Variants in ISM1 observed in about 807,000 individuals in gnomAD.
ISM1 encodes the protein isthmin 1, also known as isthmin-1.
ISM1 carries 25 observed loss-of-function variants against 46.3 expected under a neutral mutation model. The observed-to-expected ratio is 0.54, with a 90% CI of 0.39 to 0.75. The LOEUF (loss-of-function observed/expected upper bound fraction) is 0.75. Ranked by LOEUF, ISM1 falls within the 30% of genes least tolerant of loss-of-function variation. ISM1 has a pLI of 0.00. For missense variants in ISM1, 536 were observed against 625.4 expected (o/e 0.86, Z 1.52); for synonymous variants, 255 against 256.7 (o/e 0.99, Z 0.06).
chr20:13,231,040 G>C (rs77320868), intron 1 of ISM1, among the ~76,000 whole-genome samples: 5,375 of 151,992 alleles, frequency 0.035, 265 homozygotes, highest in African/African-American at 0.11. Flanking sequence ...CTCCCTCTTC[G>C]CCTACCAGAG....
intron 2 of ISM1, among the ~76,000 whole-genome samples, chr20:13,273,515 C>T (rs911764737): frequency 6.6e-6 from 1 of 152,114 alleles, no homozygotes; most frequent in East Asian, 1.9e-4. Flanking sequence ...GGATTATAGA[C>T]ATGAGTCACT....
At chr20:13,315,779 A>T in the ISM1 span, among the ~76,000 whole-genome samples, 1 of 152,006 alleles carries the variant, frequency 6.6e-6, no homozygotes, top group African/African-American at 2.4e-5. Context: ...AATATAAAAG[A>T]ATAGAAATCA....
At chr20:13,297,689 G>C (rs2040420256) in intron 5 of ISM1, among the ~76,000 whole-genome samples, 1 of 152,238 alleles carries the variant, frequency 6.6e-6, no homozygotes, top group South Asian at 2.1e-4. Flanking sequence ...TCCCATGGGA[G>C]AATGCAGGAT....
intron 4 of ISM1, among the ~76,000 whole-genome samples, chr20:13,292,115 G>A (rs1258858700): frequency 6.6e-6 from 1 of 152,072 alleles, no homozygotes; most frequent in Non-Finnish European, 1.5e-5. Flanking sequence ...CCCATCCCTG[G>A]GCTCAGTGAG....
At chr20:13,261,127 A>G (rs1315170482) in intron 1 of ISM1, among the ~76,000 whole-genome samples, 2 of 152,212 alleles carry the variant, frequency 1.3e-5, no homozygotes, top group African/African-American at 4.8e-5. Context: ...AAGAAGCTCA[A>G]AGAAGGCCAG....
chr20:13,234,823 T>G (rs2039629796), intron 1 of ISM1, among the ~76,000 whole-genome samples: 1 of 152,210 alleles, frequency 6.6e-6, no homozygotes, highest in Non-Finnish European at 1.5e-5. Context: ...TCTTGCTGAG[T>G]TGTTTGAGTT....
intron 2 of ISM1, among the ~76,000 whole-genome samples, chr20:13,271,338 T>G (rs1407195522): frequency 6.6e-6 from 1 of 152,180 alleles, no homozygotes; most frequent in Non-Finnish European, 1.5e-5. Flanking sequence ...GATGACTATC[T>G]TCCACTAAGT....
chr20:13,238,492 A>G (rs770149350), intron 1 of ISM1, among the ~76,000 whole-genome samples: 7 of 152,180 alleles, frequency 4.6e-5, no homozygotes, highest in Non-Finnish European at 1.0e-4. Flanking sequence ...TCGATTATAC[A>G]TAGTTCCCCA....
chr20:13,303,884 T>C (rs1239930140), downstream of ISM1, among the ~76,000 whole-genome samples: 1 of 152,212 alleles, frequency 6.6e-6, no homozygotes, highest in Non-Finnish European at 1.5e-5. Flanking sequence ...TGTTACATTA[T>C]TTAAGGTGAT....
chr20:13,249,865 G>C (rs1264277827), intron 1 of ISM1, among the ~76,000 whole-genome samples: 1 of 151,914 alleles, frequency 6.6e-6, no homozygotes, highest in Non-Finnish European at 1.5e-5. Flanking sequence ...CAACTTTAAA[G>C]CAGACTCCTT....
chr20:13,322,709 A>C, the ISM1 span, among the ~76,000 whole-genome samples: 2 of 152,200 alleles, frequency 1.3e-5, no homozygotes, highest in Non-Finnish European at 2.9e-5. Flanking sequence ...CAAAGCTTAG[A>C]TTACTTCCTA....
intron 1 of ISM1, among the ~76,000 whole-genome samples, chr20:13,267,629 A>G (rs911579064): frequency 6.6e-6 from 1 of 152,152 alleles, no homozygotes; most frequent in Non-Finnish European, 1.5e-5. Flanking sequence ...GTGGTGGTGA[A>G]TTTCCTACCA....
rs368674472 is a variant in ISM1 at position 13,224,421 on chromosome 20, A to G, written c.138+2507A>G. Among the ~76,000 whole-genome samples the G allele has an allele frequency of 3.3e-5, 5 of 152,346 alleles. 1 individual carries two copies. The highest frequency in any genetic ancestry group is 1.5e-5 in the Non-Finnish European group (1 of 68,032). On this transcript the variant is annotated intron_variant, in intron 1 of 5. Transcript: ENST00000262487. Reference sequence around the variant, plus strand: ...CCCAGAAAGTGAATTTGCTAGTAGCAGGTGTATTTGAAGACAAAACTGTGG... The same window carrying G: ...CCCAGAAAGTGAATTTGCTAGTAGCGGGTGTATTTGAAGACAAAACTGTGG...
rs1271983281 is a variant in ISM1, at chr20:13,299,184, T to A, written c.1120T>A (p.Ser374Thr). Reference sequence around the variant, plus strand: ...CCGGTACTGCATCCGCTCCATGCTGTCCCTGGAGAGCACCACGCTGGCGGC... The same window carrying A: ...CCGGTACTGCATCCGCTCCATGCTGACCCTGGAGAGCACCACGCTGGCGGC... Reference protein sequence around the residue: ...TARYCIRSMLSLESTTLAAQH... With the variant: ...TARYCIRSMLTLESTTLAAQH... Residue 374 changes from serine (S) to threonine (T), a missense_variant, in exon 6 of 6, where the codon TCC (serine) becomes ACC (threonine). Around this residue, in one of 2 missense-constraint regions of ISM1, gnomAD observed 169 missense variants for 249.3 expected, o/e 0.68. Coordinates refer to ENST00000262487, the MANE Select transcript of ISM1 (RefSeq NM_080826.2). This position sits in a 1 kb window ranked among gnomAD's most constrained non-coding sequence, Gnocchi z 5.8. 1 of 1,606,870 alleles carries A rather than the reference T, an allele frequency of 6.2e-7. No individual in the cohort carries two copies. Among genetic ancestry groups the A allele is most frequent in the Non-Finnish European group, 8.5e-7 (1 of 1,176,740 alleles).
chr20:13,298,813 C>A, intron 5 of ISM1, 129 bp from the exon 6 acceptor site: 1 of 842,842 alleles, frequency 1.2e-6, no homozygotes, highest in Non-Finnish European at 1.8e-6. Flanking sequence ...TTGTTGACTT[C>A]AGGGAGTTGT....
intron 1 of ISM1, among the ~76,000 whole-genome samples, chr20:13,223,659 T>A (rs6134824): frequency 0.43 from 64,987 of 151,992 alleles, 14,933 homozygotes; most frequent in African/African-American, 0.6. Context: ...ACTTTGTGGG[T>A]TCTCTCACCT....
the ISM1 span, among the ~76,000 whole-genome samples, chr20:13,312,537 G>A: frequency 6.6e-6 from 1 of 152,144 alleles, no homozygotes; most frequent in African/African-American, 2.4e-5. Context: ...TCTAAATTCA[G>A]CATTTACTGG....
chr20:13,268,618 G>A (rs937150894), intron 1 of ISM1, among the ~76,000 whole-genome samples: 1 of 152,142 alleles, frequency 6.6e-6, no homozygotes, highest in African/African-American at 2.4e-5. Context: ...AGCTTTCCCC[G>A]GTCACTGCAT....
intron 1 of ISM1, among the ~76,000 whole-genome samples, chr20:13,264,649 A>C (rs1304285982): frequency 1.3e-5 from 2 of 152,134 alleles, no homozygotes; most frequent in Non-Finnish European, 2.9e-5. Context: ...ATGGCCATCC[A>C]CCTTGGTCAC....
Sources: gnomAD v4.1 joint callset for allele counts (sites outside exome capture counted in the v4.1 genomes callset) on GRCh38, gnomAD v4.1.1 for gene constraint, gnomAD v4.1.1 regional missense constraint, Gnocchi (gnomAD v3.1) non-coding constraint, MANE v1.5 for transcripts, NCBI Gene and HGNC (gene_info 2026-07-23, HGNC 2026-07-21) for gene names.